DOCK2: variants seen among roughly 807,000 people sequenced by gnomAD.
The protein encoded by DOCK2 is dedicator of cytokinesis 2, also known as dedicator of cytokinesis protein 2.
A neutral mutation model predicts 248.9 loss-of-function variants in DOCK2; 87 were observed. The ratio of observed to expected loss-of-function variants is 0.35; its 90% CI spans 0.29 to 0.42. The LOEUF (loss-of-function observed/expected upper bound fraction) is 0.42, where lower values mean the gene tolerates loss of function less well. Ranked by LOEUF, DOCK2 falls within the 10% of genes least tolerant of loss-of-function variation. The pLI is 1.00. For synonymous variants in DOCK2, 805 were observed against 821.6 expected, an observed-to-expected ratio of 0.98 and a Z score of 0.35; for missense variants, 1,747 against 2,300.2, an observed-to-expected ratio of 0.76 and a Z score of 4.92.
chr5:169,770,671 A>C, intron 25 of DOCK2, among the ~76,000 whole-genome samples: 1 of 152,226 alleles, frequency 6.6e-6, no homozygotes, highest in South Asian at 2.1e-4. Flanking sequence ...ATATATTCCC[A>C]GTATTTTAGT....
chr5:170,040,449 C>CAT (rs1756474420), intron 36 of DOCK2, among the ~76,000 whole-genome samples: 1 of 152,178 alleles, frequency 6.6e-6, no homozygotes, highest in African/African-American at 2.4e-5. Flanking sequence ...TCAAGGTCTA[C>CAT]ATATGAATAT....
At chr5:169,751,983 T>G (rs926554908) in intron 23 of DOCK2, among the ~76,000 whole-genome samples, 3 of 129,706 alleles carry the variant, frequency 2.3e-5, no homozygotes, top group East Asian at 4.2e-4. Context: ...GTCATCTGCC[T>G]CCAAAGCACT....
intron 27 of DOCK2, among the ~76,000 whole-genome samples, chr5:169,949,848 T>C (rs574478252): frequency 6.6e-6 from 1 of 151,964 alleles, no homozygotes; most frequent in East Asian, 1.9e-4. Context: ...GTTTCATTTT[T>C]GAAGTGGCAA....
intron 26 of DOCK2, among the ~76,000 whole-genome samples, chr5:169,837,539 A>G (rs1769667088): frequency 6.6e-6 from 1 of 152,166 alleles, no homozygotes; most frequent in African/African-American, 2.4e-5. Flanking sequence ...GATGCAAACC[A>G]AGGGGAACGT....
intron 2 of DOCK2, among the ~76,000 whole-genome samples, chr5:169,657,666 A>G (rs1005965719): frequency 6.6e-6 from 1 of 152,248 alleles, no homozygotes; most frequent in Admixed American, 6.5e-5. Context: ...TGGTGGCATC[A>G]GAAGACTTTA....
At chr5:170,004,445 A>G (rs1561876070) in intron 30 of DOCK2, among the ~76,000 whole-genome samples, 1 of 152,080 alleles carries the variant, frequency 6.6e-6, no homozygotes, top group Non-Finnish European at 1.5e-5. Context: ...GCATTTTTTC[A>G]TGTATTTTTT....
chr5:170,057,081 T>C (rs750054640), intron 43 of DOCK2: 18 of 379,834 alleles, frequency 4.7e-5, no homozygotes, highest in South Asian at 1.8e-4. Context: ...AATCAAACCT[T>C]CCAGCAAACA....
At chr5:169,943,780 TA>T (rs1219329832) in intron 27 of DOCK2, among the ~76,000 whole-genome samples, 1 of 152,190 alleles carries the variant, frequency 6.6e-6, no homozygotes, top group African/African-American at 2.4e-5. Flanking sequence ...CAGTTGACGG[TA>T]GGGTCCAGGG....
At chr5:169,710,792 C>T (rs1234387914) in intron 15 of DOCK2, among the ~76,000 whole-genome samples, 2 of 152,188 alleles carry the variant, frequency 1.3e-5, no homozygotes, top group African/African-American at 2.4e-5. Context: ...ATTGATGACC[C>T]GGTCAACTCT....
chr5:169,701,765 G>A (rs771736434), intron 13 of DOCK2, among the ~76,000 whole-genome samples: 2 of 152,074 alleles, frequency 1.3e-5, no homozygotes, highest in African/African-American at 2.4e-5. Flanking sequence ...CGATCTGCCC[G>A]CTTTGGCCTC....
chr5:169,767,905 T>A (rs1157420110), intron 25 of DOCK2, among the ~76,000 whole-genome samples: 1 of 152,170 alleles, frequency 6.6e-6, no homozygotes, highest in Non-Finnish European at 1.5e-5. Context: ...CGTATTAGGG[T>A]ATTAATATTT....
Position 169,835,259 on chromosome 5 carries a change from G to GTTTTTTTTTTTTTTTTTTT in DOCK2, c.2704-5498_2704-5497insTTTTTTTTTTTTTTTTTTT, listed in dbSNP as rs763950012. 2.2e-5 allele frequency among the ~76,000 whole-genome samples: 3 copies of GTTTTTTTTTTTTTTTTTTT among 138,610 alleles called. 1 individual carries two copies. The highest frequency in any genetic ancestry group is 1.5e-5 in the Non-Finnish European group (1 of 66,280). 90.9% of individuals were successfully genotyped at this position (138,610 alleles called of 152,430 possible). ...AGTGGGAGGAAAGAGTGAAATGCCTGGTTTTTTTTTTTTTTTTTTTGAGAC... is the reference window on the plus strand; with the variant it reads ...AGTGGGAGGAAAGAGTGAAATGCCTGTTTTTTTTTTTTTTTTTTTGTTTTTTTTTTTTTTTTTTTGAGAC... On this transcript the variant is annotated intron_variant, in intron 26 of 51. Coordinates refer to ENST00000520908, the MANE Select transcript of DOCK2 (RefSeq NM_004946.3).
chr5:169,705,512 G>C (rs1468591508), intron 14 of DOCK2, among the ~76,000 whole-genome samples: 2 of 152,144 alleles, frequency 1.3e-5, no homozygotes, highest in Non-Finnish European at 2.9e-5. Context: ...TGTTGAGGCA[G>C]TTACATAACC....
intron 13 of DOCK2, among the ~76,000 whole-genome samples, chr5:169,701,412 T>C (rs1760962439): frequency 6.6e-6 from 1 of 152,250 alleles, no homozygotes; most frequent in Non-Finnish European, 1.5e-5. Context: ...CTGGCGGTTG[T>C]CTCCTAGGGC....
chr5:169,806,216 A>G (rs1487831129), intron 26 of DOCK2, among the ~76,000 whole-genome samples: 2 of 125,722 alleles, frequency 1.6e-5, no homozygotes, highest in African/African-American at 2.8e-5. Flanking sequence ...TATCACCTCG[A>G]GAGTTTTTTT....
intron 26 of DOCK2, among the ~76,000 whole-genome samples, chr5:169,814,229 T>C (rs1767929637): frequency 6.6e-6 from 1 of 152,214 alleles, no homozygotes; most frequent in African/African-American, 2.4e-5. Flanking sequence ...GGAAACATAC[T>C]GACGTCATGT....
chr5:169,819,157 A>G (rs1768257663), intron 26 of DOCK2, among the ~76,000 whole-genome samples: 1 of 152,134 alleles, frequency 6.6e-6, no homozygotes, highest in Non-Finnish European at 1.5e-5. Flanking sequence ...CTTAAAAACT[A>G]CCCTTGGCCA....
intron 27 of DOCK2, chr5:169,882,646 G>T: frequency 6.4e-7 from 1 of 1,552,044 alleles, no homozygotes; most frequent in Non-Finnish European, 8.7e-7. Context: ...TTCCTCCACA[G>T]ATTGCAGTCG....
chr5:169,674,562 A>G, intron 6 of DOCK2, 117 bp downstream of exon 6: 1 of 1,487,922 alleles, frequency 6.7e-7, no homozygotes, highest in Non-Finnish European at 9.0e-7. Flanking sequence ...TCTGTTTGGG[A>G]GAAGGTTGTG....
Sources: gnomAD v4.1 joint callset for allele counts (sites outside exome capture counted in the v4.1 genomes callset) on GRCh38, gnomAD v4.1.1 for gene constraint, MANE v1.5 for transcripts, NCBI Gene and HGNC (gene_info 2026-07-23, HGNC 2026-07-21) for gene names.